The following TTC13 variants were observed in gnomAD, a reference collection of about 807,000 sequenced individuals.
TTC13 encodes tetratricopeptide repeat protein 13.
Under a neutral mutation model 120.0 loss-of-function variants are expected in TTC13, and 62 were observed. The observed-to-expected ratio is 0.52, with a 90% CI of 0.42 to 0.64. The LOEUF is 0.64. TTC13 is among the 30% of genes least tolerant of loss of function. The pLI is 0.00. For missense variants in TTC13, 824 were observed against 1,050.2 expected, an observed-to-expected ratio of 0.78 and a Z score of 2.98; for synonymous variants, 384 against 393.5, an observed-to-expected ratio of 0.98 and a Z score of 0.28.
intron 18 of TTC13, among the ~76,000 whole-genome samples, chr1:230,913,189 CA>C (rs964424540): frequency 6.7e-6 from 1 of 150,086 alleles, no homozygotes; most frequent in Non-Finnish European, 1.5e-5. Flanking sequence ...TTTATCAAAA[CA>C]AAAAAAAAGT....
At position 230,924,967 on chromosome 1, in the gene TTC13, C is replaced by T. The variant is rs1672925840; in HGVS notation, c.1595G>A (p.Gly532Asp). ...TTGCATGACCTCCAATGCGGCCAAA[C>T]CCATAGCTACGAGAAAGGAATATCG... is the stretch of plus-strand genomic sequence containing the variant. ...LPNKRIHRAM[G>D]LAALEVMQAV... is the part of the protein sequence containing the mutation. Residue 532 changes from glycine to aspartate, a missense_variant, in exon 14 of 23, where the codon GGT becomes GAT. This residue lies in a region of TTC13 where 430 missense variants were observed against 626.8 expected (regional missense o/e 0.69). Transcript: ENST00000366661. 6 of 1,614,078 alleles carry T rather than the reference C, an allele frequency of 3.7e-6. No individual in the cohort carries two copies. The Admixed American group carries it at 8.3e-5, about 22-fold the overall frequency.
intron 4 of TTC13, among the ~76,000 whole-genome samples, chr1:230,953,575 GT>G (rs933130482): frequency 2.0e-5 from 3 of 152,158 alleles, no homozygotes; most frequent in Admixed American, 6.5e-5. Flanking sequence ...TAACTCAGGA[GT>G]TTAAATAACT....
At chr1:230,910,374 C>G (rs935554644) in intron 20 of TTC13, among the ~76,000 whole-genome samples, 1 of 152,220 alleles carries the variant, frequency 6.6e-6, no homozygotes, top group African/African-American at 2.4e-5. Flanking sequence ...AGGGCTAGCA[C>G]TGCGCACTGT....
At chr1:230,950,438 AG>A (rs1675466199) in intron 4 of TTC13, among the ~76,000 whole-genome samples, 1 of 152,016 alleles carries the variant, frequency 6.6e-6, no homozygotes, top group Admixed American at 6.6e-5. Flanking sequence ...CAAAAAAAAA[AG>A]AGTCTAATAT....
At chr1:230,912,288 G>A (rs373277716) in intron 19 of TTC13, among the ~76,000 whole-genome samples, 1 of 152,050 alleles carries the variant, frequency 6.6e-6, no homozygotes, top group Non-Finnish European at 1.5e-5. Flanking sequence ...GTAAATATAC[G>A]GTTATAAGCA....
intron 1 of TTC13, among the ~76,000 whole-genome samples, chr1:230,966,989 C>G (rs1263272585): frequency 6.6e-6 from 1 of 152,104 alleles, no homozygotes; most frequent in African/African-American, 2.4e-5. Flanking sequence ...GGAGAGCAGT[C>G]AGGCAGAAAT....
Position 230,906,507 on chromosome 1 carries a change from A to G in TTC13, c.*398T>C. On this transcript the variant is annotated 3_prime_UTR_variant, in exon 23 of 23. Coordinates refer to ENST00000366661, the MANE Select transcript of TTC13 (RefSeq NM_024525.5). ...GATGCTCTATCACAATGTGCGTAAA[A>G]AGCAAGTCTTTGAAAAATATCCAGA... 6.5e-6 allele frequency: 1 copy of G among 152,798 alleles called. No individual in the cohort carries two copies. The highest frequency in any genetic ancestry group is 1.9e-4 in the East Asian group (1 of 5,214). 9.5% of individuals were successfully genotyped at this position (152,798 alleles called of 1,614,324 possible). A position where few individuals can be genotyped will look rare whatever the true frequency, so the allele number is the denominator to read the frequency against.
chr1:230,924,629 G>C (rs531108739), intron 14 of TTC13, among the ~76,000 whole-genome samples: 2 of 152,350 alleles, frequency 1.3e-5, no homozygotes, highest in East Asian at 3.9e-4. Context: ...ACTGCGCCCA[G>C]CCAATCAATT....
intron 4 of TTC13, among the ~76,000 whole-genome samples, chr1:230,948,650 G>A (rs1675242909): frequency 6.6e-6 from 1 of 151,870 alleles, no homozygotes; most frequent in East Asian, 1.9e-4. Flanking sequence ...ATCACACCAG[G>A]CTAATTTTAA....
chr1:230,954,838 C>A (rs547760189), intron 3 of TTC13, among the ~76,000 whole-genome samples: 1 of 152,288 alleles, frequency 6.6e-6, no homozygotes, highest in South Asian at 2.1e-4. Flanking sequence ...CCTGGGAGTG[C>A]TGAATTTACT....
intron 1 of TTC13, among the ~76,000 whole-genome samples, chr1:230,969,430 GGCC>G (rs1333140608): frequency 1.3e-5 from 2 of 151,928 alleles, no homozygotes; most frequent in African/African-American, 4.8e-5. Flanking sequence ...TCTACATCTG[GGCC>G]ATAAAGCTGG....
intron 1 of TTC13, among the ~76,000 whole-genome samples, chr1:230,977,801 C>G (rs1572325084): frequency 6.6e-6 from 1 of 152,138 alleles, no homozygotes; most frequent in Non-Finnish European, 1.5e-5. Context: ...AATGTACACA[C>G]GTATTTTGTC....
In TTC13 at chr1:230,978,793, C is replaced by G. The variant is rs1678667290; in HGVS notation, c.38G>C (p.Trp13Ser). 1 of 1,498,240 alleles carries G rather than the reference C, an allele frequency of 6.7e-7. No homozygotes were observed. Among genetic ancestry groups the G allele is most frequent in the Middle Eastern group, 2.4e-4 (1 of 4,250 alleles). 92.8% of individuals were successfully genotyped at this position (1,498,240 alleles called of 1,614,324 possible). ...GCCCGCGGCGGCCACAGCGCCGCCC[C>G]AGAAGCAGCAGCAGCAGCAGCAGCC... ...PAGCCCCCCF[W>S]GGAVAAAGAA... The change falls in exon 1 of 23, where the codon TGG becomes TCG. Residue 13 changes from tryptophan to serine, a missense_variant. By Grantham distance (177) the Trp-to-Ser change is radical. Transcript: ENST00000366661. This position sits in a 1 kb window ranked among gnomAD's most constrained non-coding sequence, Gnocchi z 5.6.
chr1:230,924,808 C>T, intron 14 of TTC13, 33 bp downstream of exon 14: 2 of 1,613,376 alleles, frequency 1.2e-6, no homozygotes, highest in Non-Finnish European at 1.7e-6. Context: ...AATGATAAGA[C>T]TTATAGTTTA....
chr1:230,970,627 T>C (rs926213033), intron 1 of TTC13, among the ~76,000 whole-genome samples: 6 of 152,164 alleles, frequency 3.9e-5, no homozygotes, highest in Non-Finnish European at 7.3e-5. Flanking sequence ...CACTGCTTCT[T>C]AGTCAAATAA....
At position 230,928,969 on chromosome 1, in the gene TTC13, G is replaced by A. The variant is rs763263774; in HGVS notation, c.1425C>T (p.Tyr475=). The A allele has an allele frequency of 1.2e-5, 19 of 1,613,890 alleles. No homozygotes were observed. The highest frequency in any genetic ancestry group is 4.5e-5 in the East Asian group (2 of 44,876). The part of the protein sequence containing the change: ...AKNLPFLIED[Y]EEQPGLQPHI... ...GGGGTTGCAACCCTGGCTGCTCTTC[G>A]TAGTCTTCTATGAGGAAAGGCAAAT... The change falls in exon 12 of 23, where the codon TAC becomes TAT. Residue 475 remains tyrosine, a synonymous_variant. Coordinates refer to ENST00000366661, the MANE Select transcript of TTC13 (RefSeq NM_024525.5).
Position 230,906,477 on chromosome 1 carries a change from CA to C in TTC13, c.*427del, listed in dbSNP as rs1572159107. 6.6e-6 allele frequency: 1 copy of C among 152,394 alleles called. No individual in the cohort carries two copies. Among genetic ancestry groups the C allele is most frequent in the East Asian group, 1.9e-4 (1 of 5,198 alleles). The allele number at this position is 152,394 out of a possible 1,614,324, so 9.4% of individuals were successfully genotyped here. A position where few individuals can be genotyped will look rare whatever the true frequency, so the allele number is the denominator to read the frequency against. On this transcript the variant is annotated 3_prime_UTR_variant, in exon 23 of 23. Coordinates refer to ENST00000366661, the MANE Select transcript of TTC13 (RefSeq NM_024525.5). ...CACACATGGAGGTTACGTGAGTCAACAAAAGATGCTCTATCACAATGTGCGT... is the reference window on the plus strand; with the variant it reads ...CACACATGGAGGTTACGTGAGTCAACAAAGATGCTCTATCACAATGTGCGT...
At position 230,944,260 on chromosome 1, in the gene TTC13, A is replaced by G. The variant is rs1416041704; in HGVS notation, c.580-362T>C. ...TGAGGCTGACCTGTGGCAACAGGGG[A>G]ACAGAAATGGGTCAAGACAGTGTCT... is the stretch of plus-strand genomic sequence containing the variant. On this transcript the variant is annotated intron_variant, in intron 5 of 22. Transcript: ENST00000366661. The surrounding 1 kb of genome is among the most constrained non-coding windows in gnomAD (Gnocchi z 4.0). 6.6e-6 allele frequency among the ~76,000 whole-genome samples: 1 copy of G among 152,240 alleles called. No homozygotes were observed. Among genetic ancestry groups the G allele is most frequent in the Non-Finnish European group, 1.5e-5 (1 of 68,048 alleles).
intron 12 of TTC13, among the ~76,000 whole-genome samples, chr1:230,927,404 C>T (rs1011585361): frequency 8.6e-5 from 13 of 152,018 alleles, no homozygotes; most frequent in South Asian, 2.1e-4. Flanking sequence ...TATCAGACTT[C>T]GTAACATTTG....
Sources: allele counts gnomAD v4.1 joint callset (sites outside exome capture counted in the v4.1 genomes callset), GRCh38; gene constraint gnomAD v4.1.1; regional missense constraint gnomAD v4.1.1; non-coding constraint Gnocchi (gnomAD v3.1); transcripts MANE v1.5; gene names NCBI Gene and HGNC (gene_info 2026-07-23, HGNC 2026-07-21).